The following C4BPB variants were observed in gnomAD, a reference collection of about 807,000 sequenced individuals.
The protein encoded by C4BPB is C4b-binding protein beta chain.
In C4BPB, 19 loss-of-function variants were observed where a neutral mutation model predicts 26.6. The observed-to-expected ratio is 0.71, with a 90% CI of 0.50 to 1.05. C4BPB has a LOEUF of 1.05. Among genes scored for constraint, C4BPB ranks in the 50% least tolerant of loss-of-function variants. The pLI is 0.00. For synonymous variants in C4BPB, 118 were observed against 103.5 expected (o/e 1.14, Z -0.85); for missense variants, 282 against 302.9 (o/e 0.93, Z 0.51).
At chr1:207,093,224 C>T (rs1018240640) in intron 4 of C4BPB, among the ~76,000 whole-genome samples, 2 of 152,066 alleles carry the variant, frequency 1.3e-5, no homozygotes, top group African/African-American at 4.8e-5. Flanking sequence ...GGCAGACTTA[C>T]TATTACAGTG....
In C4BPB at chr1:207,091,846, A is replaced by T. The variant is rs1280055700; in HGVS notation, c.409+26A>T. On this transcript the variant is annotated intron_variant, in intron 4 of 6. Coordinates refer to ENST00000367078, the MANE Select transcript of C4BPB (RefSeq NM_001017365.3). ...GTAAGTACAAGAGAAACCATCAAGGATCCCCAAAATACTGATTAGTAGTCT... is the reference window on the plus strand; with the variant it reads ...GTAAGTACAAGAGAAACCATCAAGGTTCCCCAAAATACTGATTAGTAGTCT... 3.2e-6 allele frequency: 5 copies of T among 1,584,346 alleles called. No homozygotes were observed. The South Asian group carries it at 3.4e-5, about 11-fold the overall frequency.
At chr1:207,099,582 T>A (rs1417126959) in intron 6 of C4BPB, among the ~76,000 whole-genome samples, 1 of 152,216 alleles carries the variant, frequency 6.6e-6, no homozygotes, top group Non-Finnish European at 1.5e-5. Flanking sequence ...CTTCTTTTAG[T>A]TCATATTTAT....
chr1:207,096,461 G>C (rs957419046), intron 4 of C4BPB, 61 bp from the exon 5 acceptor site: 2 of 960,332 alleles, frequency 2.1e-6, no homozygotes, highest in Admixed American at 3.4e-5. Flanking sequence ...GCAATTAGGG[G>C]TGCTGTTCAT....
At position 207,091,732 on chromosome 1, in the gene C4BPB, C is replaced by T; in HGVS notation, c.321C>T (p.Cys107=). The part of the protein sequence containing the change: ...VNVSDKITFM[C]NDHYILKGSN... The stretch of plus-strand genomic sequence containing the variant: ...TAAGTGACAAAATCACGTTTATGTG[C>T]AATGACCACTACATCCTCAAGGGCA... Residue 107 remains cysteine, a synonymous_variant, in exon 4 of 7, where the codon TGC becomes TGT. Transcript: ENST00000367078. 1.2e-6 allele frequency: 2 copies of T among 1,613,950 alleles called. No homozygotes were observed. The highest frequency in any genetic ancestry group is 1.3e-5 in the African/African-American group (1 of 75,038).
At position 207,091,742 on chromosome 1, in the gene C4BPB, T is replaced by C; in HGVS notation, c.331T>C (p.Tyr111His). 1 of 1,614,116 alleles carries C rather than the reference T, an allele frequency of 6.2e-7. No individual in the cohort carries two copies. Among genetic ancestry groups the C allele is most frequent in the Non-Finnish European group, 8.5e-7 (1 of 1,179,984 alleles). Residue 111 changes from tyrosine (Y) to histidine (H), a missense_variant, in exon 4 of 7, where the codon TAC becomes CAC. By Grantham distance (83) the Tyr-to-His change is moderately conservative. Transcript: ENST00000367078. ...AATCACGTTTATGTGCAATGACCACTACATCCTCAAGGGCAGCAATCGGAG... is the reference window on the plus strand; with the variant it reads ...AATCACGTTTATGTGCAATGACCACCACATCCTCAAGGGCAGCAATCGGAG... Reference protein sequence around the residue: ...DKITFMCNDHYILKGSNRSQC... With the variant: ...DKITFMCNDHHILKGSNRSQC...
Position 207,098,194 on chromosome 1 carries a change from A to G in C4BPB, c.548A>G (p.Glu183Gly), listed in dbSNP as rs1368615949. Reference protein sequence around the residue: ...GVQEQQCVDGEWSSALPVCKL... With the variant: ...GVQEQQCVDGGWSSALPVCKL... ...CAGGAGCAGCAATGCGTTGATGGGG[A>G]GTGGAGCAGTGCACTTCCAGTCTGC... is the stretch of plus-strand genomic sequence containing the variant. The change falls in exon 6 of 7, where the codon GAG (glutamate) becomes GGG (glycine). Residue 183 changes from glutamate (E) to glycine (G), a missense_variant. Glu to Gly is a moderately conservative substitution (Grantham distance 98). Coordinates refer to ENST00000367078, the MANE Select transcript of C4BPB (RefSeq NM_001017365.3). 6.2e-7 allele frequency: 1 copy of G among 1,613,992 alleles called. No homozygotes were observed. Among genetic ancestry groups the G allele is most frequent in the Non-Finnish European group, 8.5e-7 (1 of 1,179,966 alleles).
intron 3 of C4BPB, among the ~76,000 whole-genome samples, 198 bp from the exon 4 acceptor site, chr1:207,091,446 T>A (rs1684020789): frequency 6.6e-6 from 1 of 152,238 alleles, no homozygotes; most frequent in Non-Finnish European, 1.5e-5. Context: ...GACAAAGCTC[T>A]TTTGGGCTGT....
At chr1:207,097,087 C>T (rs546284298) in intron 5 of C4BPB, among the ~76,000 whole-genome samples, 6 of 152,272 alleles carry the variant, frequency 3.9e-5, no homozygotes, top group East Asian at 1.9e-4. Context: ...GCATGAGAAT[C>T]GCTTGAACCC....
At chr1:207,096,697 T>C (rs1318234563) in intron 5 of C4BPB, 82 bp downstream of exon 5, 1 of 755,864 alleles carries the variant, frequency 1.3e-6, no homozygotes, top group East Asian at 2.6e-5. Context: ...TGTGTCCACC[T>C]GGTCATCTGA....
intron 1 of C4BPB, 29 bp downstream of exon 1, chr1:207,088,975 C>T (rs1434166144): frequency 5.9e-5 from 9 of 153,392 alleles, no homozygotes; most frequent in African/African-American, 1.4e-4. Context: ...CTTGAGCTTT[C>T]GTCTTCAGTG....
Position 207,096,550 on chromosome 1 carries a change from T to C in C4BPB, c.438T>C (p.Val146=). 1 of 1,610,044 alleles carries C rather than the reference T, an allele frequency of 6.2e-7. No individual in the cohort carries two copies. The highest frequency in any genetic ancestry group is 8.5e-7 in the Non-Finnish European group (1 of 1,176,732). The part of the protein sequence containing the change: ...SRDCDPPGNP[V]HGYFEGNNFT... ...ACTGTGACCCTCCTGGGAATCCAGTTCATGGCTATTTTGAAGGAAATAACT... is the reference window on the plus strand; with the variant it reads ...ACTGTGACCCTCCTGGGAATCCAGTCCATGGCTATTTTGAAGGAAATAACT... The change falls in exon 5 of 7, where the codon GTT becomes GTC. Residue 146 remains valine (V), a synonymous_variant. Coordinates refer to ENST00000367078, the MANE Select transcript of C4BPB (RefSeq NM_001017365.3).
chr1:207,090,503 C>T (rs1184178097), intron 3 of C4BPB, 22 bp downstream of exon 3: 1 of 1,576,190 alleles, frequency 6.3e-7, no homozygotes, highest in Non-Finnish European at 8.6e-7. Context: ...CTTTCTGTAT[C>T]TTTGCCCATA....
intron 5 of C4BPB, among the ~76,000 whole-genome samples, chr1:207,097,314 G>C (rs866484893): frequency 6.6e-6 from 1 of 151,750 alleles, no homozygotes; most frequent in East Asian, 1.9e-4. Context: ...CTAGGCTCAC[G>C]AGATCCTCCC....
intron 6 of C4BPB, among the ~76,000 whole-genome samples, chr1:207,098,520 G>A (rs1369867219): frequency 1.3e-5 from 2 of 152,126 alleles, no homozygotes; most frequent in Admixed American, 6.5e-5. Context: ...TGTCTCATGT[G>A]CCTTATAGAG....
At chr1:207,095,716 G>T in intron 4 of C4BPB, 1 of 326,162 alleles carries the variant, frequency 3.1e-6, no homozygotes, top group Non-Finnish European at 5.9e-6. Flanking sequence ...TCCAGTGTTG[G>T]AGGTGGTGCT....
intron 4 of C4BPB, among the ~76,000 whole-genome samples, chr1:207,092,981 G>A (rs778621400): frequency 1.8e-4 from 28 of 151,978 alleles, no homozygotes; most frequent in African/African-American, 9.7e-5. Context: ...ATCACAGGAT[G>A]CTATTATTTG....
At chr1:207,089,612 C>T in intron 2 of C4BPB, 23 bp downstream of exon 2, 1 of 1,609,568 alleles carries the variant, frequency 6.2e-7, no homozygotes, top group Non-Finnish European at 8.5e-7. Flanking sequence ...TCCTTCAACT[C>T]AGCTTACAGG....
rs188046310 is a variant in C4BPB at position 207,092,723 on chromosome 1, G to A, written c.409+903G>A. Among the ~76,000 whole-genome samples, 24 of 151,020 alleles carry A rather than the reference G, an allele frequency of 1.6e-4. No individual in the cohort carries two copies. The East Asian group carries it at 4.4e-3, about 28-fold the overall frequency. On this transcript the variant is annotated intron_variant, in intron 4 of 6. Transcript: ENST00000367078. ...GCTCACTGCAACCTCTGCTGCCCAGGTTCTAGCGATTCTGCTGCCTCAGCC... is the reference window on the plus strand; with the variant it reads ...GCTCACTGCAACCTCTGCTGCCCAGATTCTAGCGATTCTGCTGCCTCAGCC...
intron 3 of C4BPB, 66 bp downstream of exon 3, chr1:207,090,547 T>G: frequency 7.2e-7 from 1 of 1,382,848 alleles, no homozygotes; most frequent in Non-Finnish European, 9.8e-7. Context: ...ACATCCTACT[T>G]CCTATAGGCT....
Sources: allele counts gnomAD v4.1 joint callset (sites outside exome capture counted in the v4.1 genomes callset), GRCh38; gene constraint gnomAD v4.1.1; transcripts MANE v1.5; gene names NCBI Gene and HGNC (gene_info 2026-07-23, HGNC 2026-07-21).